SUSD4: variants seen among roughly 807,000 people sequenced by gnomAD.
SUSD4 encodes sushi domain-containing protein 4.
Under a neutral mutation model 50.5 loss-of-function variants are expected in SUSD4, and 41 were observed. The ratio of observed to expected loss-of-function variants is 0.81; its 90% CI spans 0.63 to 1.05. The LOEUF is 1.05. Ranked by LOEUF, SUSD4 falls within the 50% of genes least tolerant of loss-of-function variation. The pLI is 0.00. For synonymous variants in SUSD4, 257 were observed against 257.3 expected (o/e 1.00, Z 0.01); for missense variants, 580 against 634.7 (o/e 0.91, Z 0.93).
At chr1:223,338,220 G>A (rs989559044) in intron 2 of SUSD4, among the ~76,000 whole-genome samples, 5 of 152,158 alleles carry the variant, frequency 3.3e-5, no homozygotes, top group African/African-American at 1.2e-4. Context: ...TTTTTAAAAT[G>A]GAAGGTCAGT....
chr1:223,299,383 A>G (rs1665039512), intron 2 of SUSD4, among the ~76,000 whole-genome samples: 2 of 152,234 alleles, frequency 1.3e-5, no homozygotes, highest in African/African-American at 4.8e-5. Context: ...AAGTAGTCAC[A>G]GCTTGGAGAA....
At chr1:223,243,532 A>G (rs1487030979) in intron 5 of SUSD4, among the ~76,000 whole-genome samples, 1 of 152,216 alleles carries the variant, frequency 6.6e-6, no homozygotes, top group Non-Finnish European at 1.5e-5. Flanking sequence ...GAGGGCCCCC[A>G]GGGCCAGGCA....
At chr1:223,241,306 A>G (rs1660566247) in intron 5 of SUSD4, among the ~76,000 whole-genome samples, 1 of 152,038 alleles carries the variant, frequency 6.6e-6, no homozygotes, top group Admixed American at 6.5e-5. Context: ...TGGAGGCAAA[A>G]CTCACAAAAG....
chr1:223,331,749 G>A (rs1352084666), intron 2 of SUSD4, among the ~76,000 whole-genome samples: 2 of 152,130 alleles, frequency 1.3e-5, no homozygotes, highest in Non-Finnish European at 2.9e-5. Context: ...ATCTGACCAA[G>A]CCATCTGCTC....
rs578183234 is a variant in SUSD4 at position 223,272,316 on chromosome 1, C to T, written c.362-3641G>A. ...TAACTTGAAGGATATCAAAGCCTTCCATTCTGGAAATCATCTTTCACCAGC... is the reference window on the plus strand; with the variant it reads ...TAACTTGAAGGATATCAAAGCCTTCTATTCTGGAAATCATCTTTCACCAGC... On this transcript the variant is annotated intron_variant, in intron 3 of 8. Coordinates refer to ENST00000366878, the MANE Select transcript of SUSD4 (RefSeq NM_017982.4). Among the ~76,000 whole-genome samples, 223 of 152,266 alleles carry T rather than the reference C, an allele frequency of 1.5e-3. 1 individual carries two copies. Among genetic ancestry groups the T allele is most frequent in the Middle Eastern group, 3.4e-3 (1 of 294 alleles).
At chr1:223,244,645 G>C (rs1315064830) in intron 5 of SUSD4, among the ~76,000 whole-genome samples, 2 of 152,066 alleles carry the variant, frequency 1.3e-5, no homozygotes, top group Non-Finnish European at 2.9e-5. Flanking sequence ...ACTGAGAACT[G>C]GTGACTAAAA....
At chr1:223,252,001 C>G (rs851204) in intron 5 of SUSD4, among the ~76,000 whole-genome samples, 1 of 141,772 alleles carries the variant, frequency 7.1e-6, no homozygotes, top group Non-Finnish European at 1.5e-5. Flanking sequence ...TTCTCACTCA[C>G]AGGTGGGAAT....
intron 2 of SUSD4, among the ~76,000 whole-genome samples, chr1:223,316,549 G>C (rs958070606): frequency 1.3e-5 from 2 of 152,072 alleles, no homozygotes; most frequent in African/African-American, 4.8e-5. Context: ...GGAGAAGCCC[G>C]TTGACCTGCC....
intron 2 of SUSD4, among the ~76,000 whole-genome samples, chr1:223,306,109 C>T (rs749444801): frequency 2.4e-4 from 37 of 152,144 alleles, no homozygotes; most frequent in Non-Finnish European, 4.4e-4. Flanking sequence ...TCATTGCAGT[C>T]CCCATTTGAT....
chr1:223,255,163 G>A (rs2103051967), intron 5 of SUSD4, among the ~76,000 whole-genome samples: 1 of 152,308 alleles, frequency 6.6e-6, no homozygotes, highest in East Asian at 1.9e-4. Flanking sequence ...GTTTCAGACA[G>A]GGAGAAACAC....
chr1:223,354,582 A>G (rs1226503506), intron 2 of SUSD4, among the ~76,000 whole-genome samples: 1 of 152,204 alleles, frequency 6.6e-6, no homozygotes, highest in African/African-American at 2.4e-5. Flanking sequence ...TCAGCCACCA[A>G]GTATATGCTG....
chr1:223,305,851 C>A (rs1330764506), intron 2 of SUSD4, among the ~76,000 whole-genome samples: 1 of 152,154 alleles, frequency 6.6e-6, no homozygotes, highest in African/African-American at 2.4e-5. Context: ...TATGCAGATT[C>A]TATTACCCAG....
chr1:223,326,933 G>C (rs1666908877), intron 2 of SUSD4, among the ~76,000 whole-genome samples: 1 of 152,166 alleles, frequency 6.6e-6, no homozygotes, highest in African/African-American at 2.4e-5. Context: ...AAACAGTATG[G>C]AGATTCCTTA....
intron 5 of SUSD4, among the ~76,000 whole-genome samples, chr1:223,254,828 A>G (rs1282384380): frequency 1.3e-5 from 2 of 152,254 alleles, no homozygotes; most frequent in Admixed American, 6.5e-5. Context: ...AATTAAGCAC[A>G]GTGATCCTTG....
At chr1:223,362,153 T>A (rs1037646927) in intron 2 of SUSD4, among the ~76,000 whole-genome samples, 1 of 152,254 alleles carries the variant, frequency 6.6e-6, no homozygotes, top group African/African-American at 2.4e-5. Context: ...ACTCTGGGCA[T>A]CTTTCAGATG....
intron 7 of SUSD4, among the ~76,000 whole-genome samples, chr1:223,223,966 G>C (rs1461742393): frequency 6.6e-6 from 1 of 152,220 alleles, no homozygotes; most frequent in Non-Finnish European, 1.5e-5. Context: ...TGGAGCAAGG[G>C]ACAACATAAC....
Position 223,229,495 on chromosome 1 carries a change from T to C in SUSD4, c.725-107A>G. 1 of 1,075,076 alleles carries C rather than the reference T, an allele frequency of 9.3e-7. No individual in the cohort carries two copies. Among genetic ancestry groups the C allele is most frequent in the Admixed American group, 2.8e-5 (1 of 35,526 alleles). 66.6% of individuals were successfully genotyped at this position (1,075,076 alleles called of 1,614,324 possible). On this transcript the variant is annotated intron_variant, in intron 5 of 8. Transcript: ENST00000366878. This position sits in a 1 kb window ranked among gnomAD's most constrained non-coding sequence, Gnocchi z 4.7. ...GAGAACTCAGTTAAAAATGTGCTTA[T>C]GGATTAATCACCAGGCTACTGAGTT...
At chr1:223,238,351 C>G (rs769774025) in intron 5 of SUSD4, among the ~76,000 whole-genome samples, 1 of 151,828 alleles carries the variant, frequency 6.6e-6, no homozygotes, top group Non-Finnish European at 1.5e-5. Flanking sequence ...TCATTGATTC[C>G]TGCTCTAATT....
chr1:223,223,262 G>C lies in SUSD4; in HGVS notation c.1431C>G (p.Ile477Met). ...AEEVASTSPG[I>M]DIADEIPLME... ...GCAAGCACTTACCATCTGCAATGTC[G>C]ATGCCTGGGCTGGTGGATGCCACCT... is the stretch of plus-strand genomic sequence containing the variant. The change falls in exon 8 of 9, where the codon ATC becomes ATG. Residue 477 changes from isoleucine (I) to methionine (M), a missense_variant. Coordinates refer to ENST00000366878, the MANE Select transcript of SUSD4 (RefSeq NM_017982.4). 1.3e-6 allele frequency: 2 copies of C among 1,542,678 alleles called. No homozygotes were observed. The highest frequency in any genetic ancestry group is 1.7e-6 in the Non-Finnish European group (2 of 1,148,780).
Sources: allele counts gnomAD v4.1 joint callset (sites outside exome capture counted in the v4.1 genomes callset), GRCh38; gene constraint gnomAD v4.1.1; non-coding constraint Gnocchi (gnomAD v3.1); transcripts MANE v1.5; gene names NCBI Gene and HGNC (gene_info 2026-07-23, HGNC 2026-07-21).